The following RSPH10B variants were observed in gnomAD, a reference collection of about 807,000 sequenced individuals.
The protein encoded by RSPH10B is radial spoke head 10 homolog B (Chlamydomonas).
RSPH10B carries 7 observed loss-of-function variants against 52.5 expected under a neutral mutation model. That is an observed-to-expected ratio of 0.13 (90% CI 0.08 to 0.25). RSPH10B has a LOEUF of 0.25. Among genes scored for constraint, RSPH10B ranks in the 10% least tolerant of loss-of-function variants. The pLI is 1.00. For synonymous variants in RSPH10B, 28 were observed against 193.2 expected, an observed-to-expected ratio of 0.14 and a Z score of 7.09; for missense variants, 89 against 542.5, an observed-to-expected ratio of 0.16 and a Z score of 8.30.
At chr7:5,926,869 C>T (rs372179645) in intron 18 of RSPH10B, among the ~76,000 whole-genome samples, 1 of 138,936 alleles carries the variant, frequency 7.2e-6, no homozygotes, top group African/African-American at 2.7e-5. Flanking sequence ...ATTCTCCTGC[C>T]TCAGCCTCCT....
intron 1 of RSPH10B, among the ~76,000 whole-genome samples, chr7:5,966,101 T>C (rs938964264): frequency 3.9e-5 from 3 of 77,560 alleles, no homozygotes; most frequent in African/African-American, 5.1e-5. Flanking sequence ...CAGCTAATTA[T>C]TGTGTTTTTA....
At chr7:5,934,425 C>CCT in intron 16 of RSPH10B, among the ~76,000 whole-genome samples, 1 of 114,740 alleles carries the variant, frequency 8.7e-6, no homozygotes, top group East Asian at 2.1e-4. Flanking sequence ...ACACCTCAGA[C>CCT]CTCAGCCCAC....
At chr7:5,952,623 AT>A (rs1780596529) in intron 8 of RSPH10B, among the ~76,000 whole-genome samples, 2 of 16,164 alleles carry the variant, frequency 1.2e-4, no homozygotes, top group Non-Finnish European at 1.8e-4. Context: ...TTTGTCTAAA[AT>A]TTTTTTTTAA....
At chr7:5,950,301 T>C in intron 9 of RSPH10B, among the ~76,000 whole-genome samples, 1 of 151,984 alleles carries the variant, frequency 6.6e-6, no homozygotes, top group South Asian at 2.1e-4. Context: ...CCAGGTGCAG[T>C]GGCTCACGCC....
chr7:5,942,112 C>T (rs1351726237), intron 13 of RSPH10B, among the ~76,000 whole-genome samples: 2 of 148,052 alleles, frequency 1.4e-5, no homozygotes, highest in Non-Finnish European at 3.0e-5. Flanking sequence ...CCAGGCTGGT[C>T]TCAAACTCCT....
chr7:5,927,048 T>TGTA (rs1347951159), intron 18 of RSPH10B, among the ~76,000 whole-genome samples: 98 of 70,878 alleles, frequency 1.4e-3, no homozygotes, highest in South Asian at 7.4e-3. Context: ...TGTGTGTGTA[T>TGTA]TATGTGTGTG....
intron 18 of RSPH10B, 84 bp downstream of exon 20, chr7:5,928,112 T>C: frequency 6.3e-7 from 1 of 1,599,358 alleles, no homozygotes; most frequent in Non-Finnish European, 8.6e-7. Flanking sequence ...CGGAAAGCAC[T>C]TGGTCCTGAT....
chr7:5,954,814 A>G (rs1486746366), intron 7 of RSPH10B, among the ~76,000 whole-genome samples: 1 of 57,538 alleles, frequency 1.7e-5, no homozygotes, highest in African/African-American at 5.8e-5. Context: ...ACACACACGT[A>G]CACACACACC....
rs866600092 is a variant in RSPH10B, at chr7:5,928,634, G to A, written c.2234-240C>T. On this transcript the variant is annotated intron_variant, in intron 17 of 18. Transcript: ENST00000337579. ...CCTGCTACCTCGTTTTTTCTTTTTT[G>A]TTTTTTTTTTTTTTGGAGACAGAAT... is the stretch of plus-strand genomic sequence containing the variant. Among the ~76,000 whole-genome samples the A allele has an allele frequency of 2.2e-3, 260 of 120,518 alleles. 4 individuals carry two copies. The highest frequency in any genetic ancestry group is 5.8e-3 in the South Asian group (22 of 3,768). 79.1% of individuals were successfully genotyped at this position (120,518 alleles called of 152,430 possible). A position where few individuals can be genotyped will look rare whatever the true frequency, so the allele number is the denominator to read the frequency against.
At chr7:5,968,651 C>T (rs548740070), upstream of RSPH10B, among the ~76,000 whole-genome samples, 77 of 68,334 alleles carry the variant, frequency 1.1e-3, 13 homozygotes, top group East Asian at 0.031. Context: ...GGACTACAGG[C>T]GCCCACCACC....
intron 17 of RSPH10B, among the ~76,000 whole-genome samples, chr7:5,931,496 C>T (rs538143963): frequency 6.6e-5 from 10 of 151,544 alleles, no homozygotes; most frequent in East Asian, 5.8e-4. Context: ...GACACCAAGG[C>T]GGGAAGATCA....
intron 10 of RSPH10B, among the ~76,000 whole-genome samples, chr7:5,947,667 A>T (rs866886469): frequency 0.049 from 4,747 of 95,928 alleles, 12 homozygotes; most frequent in Admixed American, 0.13. Flanking sequence ...GTGAGCCGAG[A>T]TCGTGCCACT....
At chr7:5,927,024 T>G (rs1307018247) in intron 18 of RSPH10B, among the ~76,000 whole-genome samples, 1 of 28,282 alleles carries the variant, frequency 3.5e-5, no homozygotes, top group African/African-American at 1.5e-4. Flanking sequence ...CAAAGTTACG[T>G]GTGTGTGTGT....
rs559969061 is a variant in RSPH10B, at chr7:5,927,163, C to G, written c.2433-615G>C. 4.3e-5 allele frequency among the ~76,000 whole-genome samples: 6 copies of G among 141,128 alleles called. No individual in the cohort carries two copies. In the East Asian group the frequency reaches 1.3e-3, roughly 30 times the overall value. The allele number at this position is 141,128 out of a possible 152,430, so 92.6% of individuals were successfully genotyped here. A position where few individuals can be genotyped will look rare whatever the true frequency, so the allele number is the denominator to read the frequency against. The stretch of plus-strand genomic sequence containing the variant: ...CTGGAGTGCAGTGGCACAAACAAAT[C>G]ACTGCAGCCTCAACCTCCCAGGCTC... On this transcript the variant is annotated intron_variant, in intron 18 of 18. Coordinates refer to ENST00000337579, the Ensembl canonical transcript of RSPH10B.
At chr7:5,944,774 C>A (rs1478221924) in intron 11 of RSPH10B, among the ~76,000 whole-genome samples, 1 of 146,716 alleles carries the variant, frequency 6.8e-6, no homozygotes, top group Non-Finnish European at 1.5e-5. Context: ...GCCTGGCCAA[C>A]ATGGTGAAAC....
intron 18 of RSPH10B, among the ~76,000 whole-genome samples, chr7:5,927,078 G>GTATATATA (rs1424714633): frequency 1.0e-3 from 132 of 129,664 alleles, no homozygotes; most frequent in South Asian, 3.2e-3. Context: ...ATATGTGTGT[G>GTATATATA]TGTGTGTGTG....
intron 10 of RSPH10B, among the ~76,000 whole-genome samples, chr7:5,947,579 G>T (rs1562571653): frequency 1.2e-5 from 1 of 80,944 alleles, no homozygotes; most frequent in Non-Finnish European, 2.6e-5. Context: ...GCTGGGCATG[G>T]TGGCACATGC....
intron 13 of RSPH10B, among the ~76,000 whole-genome samples, chr7:5,942,012 C>T (rs1174024594): frequency 4.0e-5 from 6 of 149,556 alleles, no homozygotes; most frequent in African/African-American, 7.4e-5. Context: ...CCTGCCTCAG[C>T]CTCCGAAGTG....
intron 17 of RSPH10B, among the ~76,000 whole-genome samples, chr7:5,931,942 T>G (rs1444483606): frequency 2.6e-5 from 4 of 151,350 alleles, no homozygotes; most frequent in African/African-American, 9.7e-5. Context: ...TGAGCTATGA[T>G]GGCACCACTG....
Sources: allele counts gnomAD v4.1 joint callset (sites outside exome capture counted in the v4.1 genomes callset), GRCh38; gene constraint gnomAD v4.1.1; transcripts MANE v1.5; gene names NCBI Gene and HGNC (gene_info 2026-07-23, HGNC 2026-07-21).